XPO1: variants seen among roughly 807,000 people sequenced by gnomAD.
XPO1 encodes exportin-1.
XPO1 carries 5 observed loss-of-function variants against 133.3 expected under a neutral mutation model. That is an observed-to-expected ratio of 0.04 (90% CI 0.02 to 0.08). The LOEUF (loss-of-function observed/expected upper bound fraction) is 0.08, where lower values mean the gene tolerates loss of function less well. Among genes scored for constraint, XPO1 ranks in the 10% least tolerant of loss-of-function variants. The probability of loss-of-function intolerance (pLI) is 1.00; values close to 1 mark genes in which losing one functional copy is unlikely to be tolerated. For missense variants in XPO1, 506 were observed against 1,267.5 expected (o/e 0.40, Z 9.12); for synonymous variants, 419 against 408.2 (o/e 1.03, Z -0.32).
chr2:61,482,288 C>T, intron 23 of XPO1, 92 bp downstream of exon 23: 1 of 1,244,458 alleles, frequency 8.0e-7, no homozygotes, highest in East Asian at 2.6e-5. Flanking sequence ...AAGCAATCCT[C>T]CCACCTTAGG....
chr2:61,503,346 C>T (rs1325622676), intron 4 of XPO1, among the ~76,000 whole-genome samples: 1 of 152,084 alleles, frequency 6.6e-6, no homozygotes, highest in African/African-American at 2.4e-5. Flanking sequence ...CCTCCGCCTC[C>T]ACCTCCTGGG....
At chr2:61,533,951 T>C (rs570310918) in intron 1 of XPO1, 48 bp from the exon 2 acceptor site, 4 of 1,395,194 alleles carry the variant, frequency 2.9e-6, no homozygotes, top group East Asian at 2.6e-5. Context: ...GTTTTGGTAT[T>C]ATCAAAAACT....
chr2:61,490,418 C>T (rs1041310174), intron 17 of XPO1, among the ~76,000 whole-genome samples: 1 of 152,000 alleles, frequency 6.6e-6, no homozygotes, highest in Admixed American at 6.6e-5. Context: ...AGGCTGATCT[C>T]GAACTTCTGG....
intron 16 of XPO1, among the ~76,000 whole-genome samples, chr2:61,491,459 A>AACACAC (rs61072503): frequency 0.027 from 3,931 of 142,952 alleles, 84 homozygotes; most frequent in African/African-American, 0.058. Context: ...TCAAAAAACA[A>AACACAC]ACACACACAC....
At chr2:61,480,563 G>A (rs1026450157) in intron 24 of XPO1, 1 of 151,894 alleles carries the variant, frequency 6.6e-6, no homozygotes, top group Non-Finnish European at 1.5e-5. Context: ...TTACAGGCAT[G>A]AGCAACTGCG....
chr2:61,532,750 T>C (rs1699213025), intron 2 of XPO1, among the ~76,000 whole-genome samples: 1 of 151,402 alleles, frequency 6.6e-6, no homozygotes, highest in African/African-American at 2.4e-5. Flanking sequence ...GGTGAATTGC[T>C]TGAAAACCTG....
intron 4 of XPO1, among the ~76,000 whole-genome samples, chr2:61,514,327 T>C (rs1193353739): frequency 6.6e-6 from 1 of 151,338 alleles, no homozygotes; most frequent in Non-Finnish European, 1.5e-5. Flanking sequence ...GCGTGGTGGC[T>C]CATGCCTGTA....
At position 61,492,337 on chromosome 2, in the gene XPO1, C is replaced by T. The variant is rs1057520009; in HGVS notation, c.1711G>A (p.Glu571Lys). ...FLKTVVNKLF[E>K]FMHETHDGVQ... The stretch of plus-strand genomic sequence containing the variant: ...GAAAGAGATTTACCATGCATGAATT[C>T]GAACAGCTTGTTAACTACAGTCTTC... Residue 571 changes from glutamate to lysine, a missense_variant, in exon 15 of 25, where the codon GAA becomes AAA. Physicochemically the swap from Glu to Lys is moderately conservative, Grantham distance 56. This residue lies in a region of XPO1 where 21 missense variants were observed against 198.1 expected (regional missense o/e 0.11). Transcript: ENST00000401558. The surrounding 1 kb of genome is among the most constrained non-coding windows in gnomAD (Gnocchi z 5.6). 3.1e-6 allele frequency: 5 copies of T among 1,591,784 alleles called. No individual in the cohort carries two copies. Among genetic ancestry groups the T allele is most frequent in the Non-Finnish European group, 3.4e-6 (4 of 1,174,528 alleles).
chr2:61,483,313 CTG>C, intron 21 of XPO1: 3 of 472,934 alleles, frequency 6.3e-6, no homozygotes, highest in East Asian at 3.9e-5. Context: ...GAGAGCTAAA[CTG>C]TGAAGATGTA....
Position 61,490,696 on chromosome 2 carries a change from C to T in XPO1, c.1968G>A (p.Lys656=). 1 of 1,614,172 alleles carries T rather than the reference C, an allele frequency of 6.2e-7. No individual in the cohort carries two copies. Among genetic ancestry groups the T allele is most frequent in the Non-Finnish European group, 8.5e-7 (1 of 1,180,018 alleles). ...ACACTTGATTAGGGAGTAACATGTA[C>T]TTTTCTATCAAGTGTTCTTGTACTG... ...DQTVQEHLIE[K]YMLLPNQVWD... is the part of the protein sequence containing the mutation. Residue 656 remains lysine, a synonymous_variant, in exon 17 of 25, where the codon AAG becomes AAA. Coordinates refer to ENST00000401558, the MANE Select transcript of XPO1 (RefSeq NM_003400.4).
chr2:61,506,951 C>T (rs1274942273), intron 4 of XPO1, among the ~76,000 whole-genome samples: 17 of 151,926 alleles, frequency 1.1e-4, no homozygotes, highest in Admixed American at 9.8e-4. Context: ...TGAAGAAGGC[C>T]GGGCGCGGTG....
At chr2:61,499,148 T>C (rs1697381876) in intron 7 of XPO1, among the ~76,000 whole-genome samples, 1 of 152,238 alleles carries the variant, frequency 6.6e-6, no homozygotes, top group South Asian at 2.1e-4. Context: ...AGTATAACTA[T>C]AGTTTATACC....
At chr2:61,506,514 G>T (rs921828173) in intron 4 of XPO1, among the ~76,000 whole-genome samples, 1 of 144,068 alleles carries the variant, frequency 6.9e-6, no homozygotes, top group South Asian at 2.2e-4. Context: ...CAGGAGAAAC[G>T]CTTGAACCCA....
chr2:61,525,995 T>C (rs1698892409), intron 3 of XPO1: 2 of 1,061,158 alleles, frequency 1.9e-6, no homozygotes, highest in Non-Finnish European at 1.1e-6. Flanking sequence ...CTGAGTGCTG[T>C]CCCATTAGAA....
At chr2:61,500,308 T>C (rs1318134145) in intron 6 of XPO1, among the ~76,000 whole-genome samples, 2 of 151,346 alleles carry the variant, frequency 1.3e-5, no homozygotes, top group Non-Finnish European at 3.0e-5. Flanking sequence ...AGGCTGGGCG[T>C]GGTAGCTCGT....
rs370551052 is a variant in XPO1, at chr2:61,502,232, C to T, written c.363+17G>A. ...TGATTTTATGCTCTCCCAATAAGCT[C>T]CAAAATAAACTCTTACCTCTACACA... On this transcript the variant is annotated intron_variant, in intron 5 of 24. Transcript: ENST00000401558. The T allele has an allele frequency of 4.9e-5, 79 of 1,607,902 alleles. No individual in the cohort carries two copies. Among genetic ancestry groups the T allele is most frequent in the Non-Finnish European group, 6.2e-5 (73 of 1,178,562 alleles).
In XPO1 at chr2:61,481,274, C is replaced by A; in HGVS notation, c.2980G>T (p.Val994Leu). ...AAAAGCCCTGTCACAAAGAGCTTTA[C>A]TTGAGCACTGCAAATCAAAACACAA... is the stretch of plus-strand genomic sequence containing the variant. ...SAFPHLQDAQ[V>L]KLFVTGLFSL... The change falls in exon 24 of 25, where the codon GTA (valine) becomes TTA (leucine). Residue 994 changes from valine to leucine, a missense_variant. Transcript: ENST00000401558. The A allele has an allele frequency of 6.2e-7, 1 of 1,607,594 alleles. No individual in the cohort carries two copies. The highest frequency in any genetic ancestry group is 8.5e-7 in the Non-Finnish European group (1 of 1,177,644).
In XPO1 at chr2:61,501,959, T is replaced by C. The variant is rs960494028; in HGVS notation, c.408+37A>G. Reference sequence around the variant, plus strand: ...GAACATTTTGTTCAAATAATAAGCATAATTCTTCTAAGGAAAACAGTTAAG... The same window carrying C: ...GAACATTTTGTTCAAATAATAAGCACAATTCTTCTAAGGAAAACAGTTAAG... On this transcript the variant is annotated intron_variant, in intron 6 of 24. Coordinates refer to ENST00000401558, the MANE Select transcript of XPO1 (RefSeq NM_003400.4). 3 of 1,529,200 alleles carry C rather than the reference T, an allele frequency of 2.0e-6. No homozygotes were observed. The African/African-American group carries it at 4.2e-5, about 21-fold the overall frequency. The allele number at this position is 1,529,200 out of a possible 1,614,324, so 94.7% of individuals were successfully genotyped here. A position where few individuals can be genotyped will look rare whatever the true frequency, so the allele number is the denominator to read the frequency against.
intron 19 of XPO1, among the ~76,000 whole-genome samples, chr2:61,487,562 C>T (rs1459226441): frequency 1.3e-5 from 2 of 150,838 alleles, no homozygotes; most frequent in Non-Finnish European, 3.0e-5. Context: ...AAAAAACCAA[C>T]ACTATTCCAA....
Sources: gnomAD v4.1 joint callset for allele counts (sites outside exome capture counted in the v4.1 genomes callset) on GRCh38, gnomAD v4.1.1 for gene constraint, gnomAD v4.1.1 regional missense constraint, Gnocchi (gnomAD v3.1) non-coding constraint, MANE v1.5 for transcripts, NCBI Gene and HGNC (gene_info 2026-07-23, HGNC 2026-07-21) for gene names.